The following KCNB2 variants were observed in gnomAD, a reference collection of about 807,000 sequenced individuals.
KCNB2 encodes the protein potassium voltage-gated channel subfamily B member 2.
In KCNB2, 15 loss-of-function variants were observed where a neutral mutation model predicts 61.5. The observed-to-expected ratio is 0.24, with a 90% CI of 0.16 to 0.38. The LOEUF is 0.38. Among genes scored for constraint, KCNB2 ranks in the 10% least tolerant of loss-of-function variants. The probability of loss-of-function intolerance (pLI) is 1.00; values close to 1 mark genes in which losing one functional copy is unlikely to be tolerated. For missense variants in KCNB2, 828 were observed against 1,125.2 expected (o/e 0.74, Z 3.78); for synonymous variants, 457 against 446.0 (o/e 1.02, Z -0.31).
At chr8:72,607,242 G>A (rs1192535065) in intron 2 of KCNB2, among the ~76,000 whole-genome samples, 1 of 152,086 alleles carries the variant, frequency 6.6e-6, no homozygotes, top group Admixed American at 6.6e-5. Context: ...GTGGGGAGAG[G>A]GATGGAGTTG....
Position 72,711,863 on chromosome 8 carries a change from G to T in KCNB2, c.579+143550G>T, listed in dbSNP as rs113505789. 3.5e-3 allele frequency among the ~76,000 whole-genome samples: 528 copies of T among 152,200 alleles called. 1 individual carries two copies. Among genetic ancestry groups the T allele is most frequent in the Middle Eastern group, 0.031 (9 of 294 alleles). On this transcript the variant is annotated intron_variant, in intron 2 of 2. Transcript: ENST00000523207. ...AAATATTAGCCAGGCTTGGTTGCAG[G>T]CACCTGTAATCCCAGCTACTCAGGA...
chr8:72,930,430 T>G (rs1806755723), intron 2 of KCNB2, among the ~76,000 whole-genome samples: 1 of 152,110 alleles, frequency 6.6e-6, no homozygotes, highest in African/African-American at 2.4e-5. Context: ...TGTAAAAGTG[T>G]TCCTGTTTCT....
At chr8:72,718,145 A>G (rs1156476686) in intron 2 of KCNB2, among the ~76,000 whole-genome samples, 10 of 152,162 alleles carry the variant, frequency 6.6e-5, no homozygotes, top group Non-Finnish European at 1.5e-4. Flanking sequence ...AATGGCAATC[A>G]TTAAAAAGTC....
chr8:72,748,589 C>A (rs1266627479), intron 2 of KCNB2, among the ~76,000 whole-genome samples: 1 of 146,326 alleles, frequency 6.8e-6, no homozygotes, highest in Non-Finnish European at 1.5e-5. Flanking sequence ...GAGTACTGAA[C>A]TCACTTTGGT....
chr8:72,619,445 G>T, intron 2 of KCNB2: 1 of 304,808 alleles, frequency 3.3e-6, no homozygotes. Flanking sequence ...TCTAAAAGGT[G>T]GTGTAAAATC....
intron 2 of KCNB2, among the ~76,000 whole-genome samples, chr8:72,899,710 T>C (rs1000588978): frequency 2.0e-5 from 3 of 152,106 alleles, no homozygotes; most frequent in African/African-American, 7.2e-5. Flanking sequence ...TACAAAACAC[T>C]GCTGAAATAA....
intron 2 of KCNB2, among the ~76,000 whole-genome samples, chr8:72,689,748 C>T (rs1430284146): frequency 1.3e-5 from 2 of 152,184 alleles, no homozygotes; most frequent in African/African-American, 2.4e-5. Context: ...TTTTATTACC[C>T]GATAGCATTC....
intron 2 of KCNB2, among the ~76,000 whole-genome samples, chr8:72,782,069 A>G (rs906399996): frequency 6.6e-6 from 1 of 152,160 alleles, no homozygotes; most frequent in Non-Finnish European, 1.5e-5. Context: ...ACATTTACCT[A>G]TGTAACAAAC....
At chr8:72,869,472 A>G (rs1325472316) in intron 2 of KCNB2, among the ~76,000 whole-genome samples, 1 of 152,200 alleles carries the variant, frequency 6.6e-6, no homozygotes, top group Admixed American at 6.5e-5. Flanking sequence ...TATCCAAAAT[A>G]TGTAAGGAAC....
chr8:72,916,770 G>C (rs539863677), intron 2 of KCNB2, among the ~76,000 whole-genome samples: 1 of 152,256 alleles, frequency 6.6e-6, no homozygotes, highest in Non-Finnish European at 1.5e-5. Flanking sequence ...AGAGCAGGAA[G>C]GTATTCTTCC....
At chr8:72,842,764 TG>T (rs1809914410) in intron 2 of KCNB2, among the ~76,000 whole-genome samples, 1 of 152,254 alleles carries the variant, frequency 6.6e-6, no homozygotes, top group Non-Finnish European at 1.5e-5. Context: ...TGTACTTCTG[TG>T]GGATCAGTGG....
chr8:72,627,428 A>T (rs955672371), intron 2 of KCNB2, among the ~76,000 whole-genome samples: 1 of 152,228 alleles, frequency 6.6e-6, no homozygotes, highest in African/African-American at 2.4e-5. Context: ...GAAATGATAG[A>T]AAGTATATGA....
intron 2 of KCNB2, among the ~76,000 whole-genome samples, chr8:72,647,311 G>A (rs1222234495): frequency 6.6e-6 from 1 of 151,946 alleles, no homozygotes; most frequent in African/African-American, 2.4e-5. Context: ...ATGAATTCCT[G>A]CTATTTAGAT....
chr8:72,835,536 T>C (rs1489074169), intron 2 of KCNB2, among the ~76,000 whole-genome samples: 1 of 152,212 alleles, frequency 6.6e-6, no homozygotes, highest in Non-Finnish European at 1.5e-5. Flanking sequence ...CTACGGGAAC[T>C]GGACTTGACA....
chr8:72,704,043 T>G (rs149732097), intron 2 of KCNB2, among the ~76,000 whole-genome samples: 1 of 152,314 alleles, frequency 6.6e-6, no homozygotes, highest in East Asian at 1.9e-4. Context: ...CAGAGGGTAG[T>G]CATCCCACAC....
chr8:72,882,832 T>C (rs924456946), intron 2 of KCNB2, among the ~76,000 whole-genome samples: 23 of 152,246 alleles, frequency 1.5e-4, no homozygotes, highest in Non-Finnish European at 1.9e-4. Flanking sequence ...CTTGAAGCAT[T>C]TAAAAATCAG....
At chr8:72,680,190 G>A (rs1806728633) in intron 2 of KCNB2, among the ~76,000 whole-genome samples, 1 of 152,166 alleles carries the variant, frequency 6.6e-6, no homozygotes, top group Admixed American at 6.5e-5. Context: ...GTGCTACAGG[G>A]AATGAACCAT....
At chr8:72,750,438 G>A (rs898232611) in intron 2 of KCNB2, 15 of 152,166 alleles carry the variant, frequency 9.9e-5, no homozygotes, top group Non-Finnish European at 7.4e-5. Flanking sequence ...GTTTTCCAAA[G>A]TGATTAGACC....
chr8:72,850,644 T>C (rs1001939783), intron 2 of KCNB2, among the ~76,000 whole-genome samples: 1 of 152,166 alleles, frequency 6.6e-6, no homozygotes, highest in African/African-American at 2.4e-5. Flanking sequence ...TTTTATGGGG[T>C]GTGGTACTCT....
Sources: allele counts gnomAD v4.1 joint callset (sites outside exome capture counted in the v4.1 genomes callset), GRCh38; gene constraint gnomAD v4.1.1; transcripts MANE v1.5; gene names NCBI Gene and HGNC (gene_info 2026-07-23, HGNC 2026-07-21).